The following ENOX1 variants were observed in gnomAD, a reference collection of about 807,000 sequenced individuals.
ENOX1 encodes candidate growth-related and time keeping constitutive hydroquinone (NADH) oxidase.
A neutral mutation model predicts 82.5 loss-of-function variants in ENOX1; 42 were observed. That is an observed-to-expected ratio of 0.51 (90% CI 0.40 to 0.66). ENOX1 has a LOEUF of 0.66. ENOX1 is among the 30% of genes least tolerant of loss of function. ENOX1 has a pLI of 0.00. For synonymous variants in ENOX1, 271 were observed against 282.2 expected (o/e 0.96, Z 0.40); for missense variants, 608 against 811.6 (o/e 0.75, Z 3.05).
intron 3 of ENOX1, among the ~76,000 whole-genome samples, chr13:43,460,235 T>C (rs1316179796): frequency 6.6e-6 from 1 of 152,218 alleles, no homozygotes; most frequent in East Asian, 1.9e-4. Flanking sequence ...TCATCTTAAC[T>C]GCAGAAATTC....
chr13:43,297,588 T>C (rs1471616186), intron 12 of ENOX1, among the ~76,000 whole-genome samples: 1 of 152,234 alleles, frequency 6.6e-6, no homozygotes, highest in Non-Finnish European at 1.5e-5. Context: ...AATCTGACTG[T>C]GAATCTTTGA....
rs1952421081 is a variant in ENOX1 at position 43,783,882 on chromosome 13, A to C, written c.-285+2770T>G. 2.6e-5 allele frequency among the ~76,000 whole-genome samples: 4 copies of C among 152,216 alleles called. No individual in the cohort carries two copies. In the South Asian group the frequency reaches 8.3e-4, roughly 31 times the overall value. On this transcript the variant is annotated intron_variant, in intron 1 of 16. Transcript: ENST00000690772. ...AAAAAGAAACAGCTTCACCTTACTCAAATGAAACTTAGTGGATCTGTCTCA... is the reference window on the plus strand; with the variant it reads ...AAAAAGAAACAGCTTCACCTTACTCCAATGAAACTTAGTGGATCTGTCTCA...
At chr13:43,453,935 G>C (rs991317265) in intron 3 of ENOX1, among the ~76,000 whole-genome samples, 4 of 151,970 alleles carry the variant, frequency 2.6e-5, no homozygotes, top group Middle Eastern at 3.4e-3. Context: ...ATGTTGGTTA[G>C]AGTAAGACTG....
chr13:43,426,052 C>T (rs1364500181), intron 3 of ENOX1, among the ~76,000 whole-genome samples: 1 of 152,216 alleles, frequency 6.6e-6, no homozygotes, highest in Non-Finnish European at 1.5e-5. Flanking sequence ...AAATCTGCTG[C>T]TGCCTAGAAA....
chr13:43,439,096 G>A (rs757950668), intron 3 of ENOX1, among the ~76,000 whole-genome samples: 4 of 142,508 alleles, frequency 2.8e-5, no homozygotes, highest in Admixed American at 7.4e-5. Flanking sequence ...AAGCTGGAGT[G>A]CAGTGGTGCA....
chr13:43,331,769 G>A (rs1221383046), intron 9 of ENOX1, among the ~76,000 whole-genome samples: 1 of 152,140 alleles, frequency 6.6e-6, no homozygotes, highest in Non-Finnish European at 1.5e-5. Flanking sequence ...ATACCCAGAG[G>A]AGCAAGACAA....
intron 1 of ENOX1, among the ~76,000 whole-genome samples, chr13:43,776,823 G>GA (rs372000193): frequency 1.7e-3 from 235 of 139,826 alleles, no homozygotes; most frequent in South Asian, 4.3e-3. Context: ...CACAGCTAGG[G>GA]AAAAAAAAAA....
At chr13:43,333,020 C>A (rs1209721755) in intron 9 of ENOX1, among the ~76,000 whole-genome samples, 2 of 152,134 alleles carry the variant, frequency 1.3e-5, no homozygotes, top group South Asian at 2.1e-4. Context: ...CTATGAGAAA[C>A]CTTTTTTACT....
intron 12 of ENOX1, among the ~76,000 whole-genome samples, chr13:43,290,620 C>T (rs1018782389): frequency 6.6e-6 from 1 of 152,144 alleles, no homozygotes; most frequent in African/African-American, 2.4e-5. Flanking sequence ...GGGAGAAGGG[C>T]ACGGCTGCTG....
At chr13:43,532,275 A>T (rs1340907153) in intron 2 of ENOX1, among the ~76,000 whole-genome samples, 1 of 152,018 alleles carries the variant, frequency 6.6e-6, no homozygotes, top group East Asian at 1.9e-4. Flanking sequence ...TAACTCTTAA[A>T]CTATAATGTT....
chr13:43,487,312 C>T (rs2076462403), intron 2 of ENOX1, among the ~76,000 whole-genome samples: 1 of 152,076 alleles, frequency 6.6e-6, no homozygotes, highest in African/African-American at 2.4e-5. Context: ...ATCAAGAAGG[C>T]TTCAGTGAAG....
At chr13:43,460,538 C>T (rs979649764) in intron 3 of ENOX1, among the ~76,000 whole-genome samples, 3 of 152,138 alleles carry the variant, frequency 2.0e-5, no homozygotes, top group East Asian at 1.9e-4. Context: ...CAGTGGCTCA[C>T]GCCTGTAATC....
At chr13:43,364,304 A>G (rs2050708127) in intron 5 of ENOX1, among the ~76,000 whole-genome samples, 1 of 152,194 alleles carries the variant, frequency 6.6e-6, no homozygotes, top group Admixed American at 6.5e-5. Flanking sequence ...AGAGATAATG[A>G]GTTGTAATTC....
intron 5 of ENOX1, among the ~76,000 whole-genome samples, chr13:43,403,067 T>C (rs780912345): frequency 1.7e-4 from 26 of 152,068 alleles, no homozygotes; most frequent in Non-Finnish European, 3.4e-4. Flanking sequence ...TACATGTACA[T>C]ATGTCAATAT....
chr13:43,365,412 T>A (rs558260496), intron 5 of ENOX1, among the ~76,000 whole-genome samples: 18 of 152,270 alleles, frequency 1.2e-4, no homozygotes, highest in African/African-American at 4.1e-4. Context: ...AATGGCTGCA[T>A]TACAGGTGTA....
At chr13:43,533,719 C>T (rs1343793014) in intron 2 of ENOX1, among the ~76,000 whole-genome samples, 1 of 152,120 alleles carries the variant, frequency 6.6e-6, no homozygotes, top group African/African-American at 2.4e-5. Flanking sequence ...TCTCTCATGC[C>T]TTATATTACT....
At chr13:43,461,606 G>A (rs189368505) in intron 3 of ENOX1, among the ~76,000 whole-genome samples, 19 of 152,322 alleles carry the variant, frequency 1.2e-4, no homozygotes, top group Admixed American at 3.9e-4. Context: ...GGAGGACGTG[G>A]TCATGGCCTG....
intron 1 of ENOX1, among the ~76,000 whole-genome samples, chr13:43,719,745 T>C (rs2088437007): frequency 6.6e-6 from 1 of 152,094 alleles, no homozygotes; most frequent in Admixed American, 6.5e-5. Flanking sequence ...CTGAAAAAGC[T>C]TGCCACACCT....
chr13:43,525,752 T>C (rs2077964145), intron 2 of ENOX1, among the ~76,000 whole-genome samples: 2 of 152,182 alleles, frequency 1.3e-5, no homozygotes, highest in South Asian at 2.1e-4. Context: ...TCTTTCCTTG[T>C]GCTTATTAGC....
Sources: allele counts gnomAD v4.1 joint callset (sites outside exome capture counted in the v4.1 genomes callset), GRCh38; gene constraint gnomAD v4.1.1; transcripts MANE v1.5; gene names NCBI Gene and HGNC (gene_info 2026-07-23, HGNC 2026-07-21).